The following EPHB2 variants were observed in gnomAD, a reference collection of about 807,000 sequenced individuals.
The protein encoded by EPHB2 is ephrin type-B receptor 2.
A neutral mutation model predicts 96.4 loss-of-function variants in EPHB2; 18 were observed. That is an observed-to-expected ratio of 0.19 (90% CI 0.13 to 0.28). The LOEUF is 0.28. EPHB2 is among the 10% of genes least tolerant of loss of function. EPHB2 has a pLI of 1.00. For synonymous variants in EPHB2, 506 were observed against 534.1 expected (o/e 0.95, Z 0.72); for missense variants, 989 against 1,355.4 (o/e 0.73, Z 4.25).
chr1:22,919,150 G>A lies in EPHB2; in HGVS notation c.*5580G>A, dbSNP rs965079056. On this transcript the variant is annotated 3_prime_UTR_variant, in exon 16 of 16. Coordinates refer to ENST00000374630, the MANE Select transcript of EPHB2 (RefSeq NM_017449.5). Reference sequence around the variant, plus strand: ...CCTCCAGGAGATTCCTCCAGACATGGAAATCCTCACTTGACTCTTCCCCCA... The same window carrying A: ...CCTCCAGGAGATTCCTCCAGACATGAAAATCCTCACTTGACTCTTCCCCCA... The A allele has an allele frequency of 1.3e-5, 2 of 152,258 alleles. No homozygotes were observed. Among genetic ancestry groups the A allele is most frequent in the Non-Finnish European group, 2.9e-5 (2 of 68,062 alleles). The allele number at this position is 152,258 out of a possible 1,614,324, so 9.4% of individuals were successfully genotyped here.
At chr1:22,880,582 G>A (rs1355154701) in intron 5 of EPHB2, among the ~76,000 whole-genome samples, 4 of 152,250 alleles carry the variant, frequency 2.6e-5, no homozygotes, top group Admixed American at 1.3e-4. Flanking sequence ...ACCACATTGA[G>A]AGTCCCTCTC....
intron 1 of EPHB2, among the ~76,000 whole-genome samples, chr1:22,748,956 G>C (rs1644019164): frequency 6.6e-6 from 1 of 150,590 alleles, no homozygotes; most frequent in South Asian, 2.1e-4. Context: ...TACACGTCAT[G>C]GGCCCTCTTG....
Position 22,864,823 on chromosome 1 carries a change from G to A in EPHB2, c.968-54G>A, listed in dbSNP as rs532391164. 771 of 1,228,624 alleles carry A rather than the reference G, an allele frequency of 6.3e-4. 1 individual carries two copies. The highest frequency in any genetic ancestry group is 7.9e-4 in the Non-Finnish European group (682 of 864,314). The allele number at this position is 1,228,624 out of a possible 1,614,324, so 76.1% of individuals were successfully genotyped here. A position where few individuals can be genotyped will look rare whatever the true frequency, so the allele number is the denominator to read the frequency against. Reference sequence around the variant, plus strand: ...AGCAGCGGGCACAGAGTGGTCACATGGGGAATAGTACCCCCTGAGCCCCCC... The same window carrying A: ...AGCAGCGGGCACAGAGTGGTCACATAGGGAATAGTACCCCCTGAGCCCCCC... On this transcript the variant is annotated intron_variant, in intron 4 of 15. Transcript: ENST00000374630.
chr1:22,901,497 T>C (rs1481336097), intron 9 of EPHB2, among the ~76,000 whole-genome samples: 1 of 152,174 alleles, frequency 6.6e-6, no homozygotes, highest in Non-Finnish European at 1.5e-5. Context: ...AATTTCGCAT[T>C]TGAGGGCAGA....
intron 1 of EPHB2, among the ~76,000 whole-genome samples, chr1:22,774,873 C>A (rs1050033589): frequency 6.6e-6 from 1 of 152,154 alleles, no homozygotes; most frequent in Non-Finnish European, 1.5e-5. Flanking sequence ...CCCTGGGAGA[C>A]ATCAGAAGAA....
chr1:22,791,335 G>A (rs1644688282), intron 3 of EPHB2, among the ~76,000 whole-genome samples: 1 of 151,988 alleles, frequency 6.6e-6, no homozygotes, highest in South Asian at 2.1e-4. Flanking sequence ...CCAGAAATAA[G>A]CACTGTGAAA....
chr1:22,769,880 G>C (rs1258601976), intron 1 of EPHB2, among the ~76,000 whole-genome samples: 1 of 152,174 alleles, frequency 6.6e-6, no homozygotes, highest in African/African-American at 2.4e-5. Flanking sequence ...AAGAGAGGTA[G>C]GGAGGGAGGT....
chr1:22,902,152 C>T (rs565439709), intron 9 of EPHB2, among the ~76,000 whole-genome samples: 1 of 152,242 alleles, frequency 6.6e-6, no homozygotes, highest in African/African-American at 2.4e-5. Flanking sequence ...TGCCAATTTC[C>T]TCGTCTGAAA....
chr1:22,877,375 C>T (rs1030762178), intron 5 of EPHB2, among the ~76,000 whole-genome samples: 20 of 152,304 alleles, frequency 1.3e-4, no homozygotes, highest in African/African-American at 3.8e-4. Context: ...CTGTTAGCTG[C>T]GCGGCCTTTC....
At chr1:22,853,484 G>A (rs1461434374) in intron 3 of EPHB2, among the ~76,000 whole-genome samples, 3 of 152,264 alleles carry the variant, frequency 2.0e-5, no homozygotes, top group African/African-American at 4.8e-5. Flanking sequence ...TGCAGTGGCA[G>A]AGGTACAGTG....
Position 22,913,703 on chromosome 1 carries a change from C to T in EPHB2, c.*133C>T, listed in dbSNP as rs762214115. On this transcript the variant is annotated 3_prime_UTR_variant, in exon 16 of 16. Transcript: ENST00000374630. The surrounding 1 kb of genome is among the most constrained non-coding windows in gnomAD (Gnocchi z 4.1). ...GCCACGGGCCACGGGAAGAACCAAG[C>T]GGTGCCAGCCACGAGACGTCACCAA... is the stretch of plus-strand genomic sequence containing the variant. The T allele has an allele frequency of 1.4e-5, 22 of 1,601,400 alleles. No individual in the cohort carries two copies. The highest frequency in any genetic ancestry group is 1.1e-4 in the South Asian group (10 of 89,224).
At chr1:22,739,471 C>T (rs1010100233) in intron 1 of EPHB2, among the ~76,000 whole-genome samples, 2 of 152,334 alleles carry the variant, frequency 1.3e-5, no homozygotes, top group Admixed American at 1.3e-4. Context: ...CTGCCTTGGC[C>T]TCCCAAAGTG....
chr1:22,837,231 G>A (rs753364978), intron 3 of EPHB2, among the ~76,000 whole-genome samples: 2 of 152,182 alleles, frequency 1.3e-5, no homozygotes, highest in Non-Finnish European at 2.9e-5. Context: ...CCTGAAGGGG[G>A]GAAGCCATTC....
chr1:22,800,244 G>A (rs1406677358), intron 3 of EPHB2: 1 of 152,314 alleles, frequency 6.6e-6, no homozygotes, highest in African/African-American at 2.4e-5. Flanking sequence ...CGTACCCACT[G>A]AGCCAGCCTC....
intron 6 of EPHB2, among the ~76,000 whole-genome samples, chr1:22,888,598 A>T (rs776872864): frequency 6.6e-6 from 1 of 152,146 alleles, no homozygotes; most frequent in Non-Finnish European, 1.5e-5. Context: ...AGTGGATTTC[A>T]TACTGAATCT....
chr1:22,882,550 C>CTGGGAGTTCTGG (rs1553174246), intron 6 of EPHB2, 67 bp downstream of exon 6: 2 of 1,604,380 alleles, frequency 1.2e-6, no homozygotes, highest in East Asian at 4.5e-5. Flanking sequence ...AGGCTGAGGC[C>CTGGGAGTTCTGG]TGGGAGTTCT....
Position 22,861,213 on chromosome 1 carries a change from C to T in EPHB2, c.812-1824C>T, listed in dbSNP as rs559307050. ...AAGGAAACAGTTTAAGTGACTTCCCCGAGGCCACACTGCTCACACAGGTGG... is the reference window on the plus strand; with the variant it reads ...AAGGAAACAGTTTAAGTGACTTCCCTGAGGCCACACTGCTCACACAGGTGG... On this transcript the variant is annotated intron_variant, in intron 3 of 15. Transcript: ENST00000374630. Among the ~76,000 whole-genome samples, 981 of 152,290 alleles carry T rather than the reference C, an allele frequency of 6.4e-3. 8 individuals are homozygous for T. Among genetic ancestry groups the T allele is most frequent in the African/African-American group, 0.022 (895 of 41,558 alleles).
Position 22,913,160 on chromosome 1 carries a change from A to G in EPHB2, c.2853-302A>G. On this transcript the variant is annotated intron_variant, in intron 15 of 15. Coordinates refer to ENST00000374630, the MANE Select transcript of EPHB2 (RefSeq NM_017449.5). The surrounding 1 kb of genome is among the most constrained non-coding windows in gnomAD (Gnocchi z 4.1). ...GTGAGCTGAGATCACGCCACTGCAC[A>G]CCAGCCTGGGTGACAGAGCGAGACT... 1 of 449,686 alleles carries G rather than the reference A, an allele frequency of 2.2e-6. No homozygotes were observed. Among genetic ancestry groups the G allele is most frequent in the Non-Finnish European group, 4.1e-6 (1 of 241,434 alleles). 27.9% of individuals were successfully genotyped at this position (449,686 alleles called of 1,614,324 possible).
chr1:22,723,989 G>A (rs978700198), intron 1 of EPHB2, among the ~76,000 whole-genome samples: 4 of 152,192 alleles, frequency 2.6e-5, no homozygotes. Context: ...CTTAGAGAAG[G>A]CATTCATGTA....
Sources: allele counts gnomAD v4.1 joint callset (sites outside exome capture counted in the v4.1 genomes callset), GRCh38; gene constraint gnomAD v4.1.1; non-coding constraint Gnocchi (gnomAD v3.1); transcripts MANE v1.5; gene names NCBI Gene and HGNC (gene_info 2026-07-23, HGNC 2026-07-21).